The following ACKR2 variants were observed in gnomAD, a reference collection of about 807,000 sequenced individuals.
ACKR2 encodes C-C chemokine receptor D6.
For synonymous variants in ACKR2, 207 were observed against 192.2 expected (o/e 1.08, Z -0.64); for missense variants, 457 against 477.3 (o/e 0.96, Z 0.40).
At chr3:42,834,377 T>G (rs137900841) in intron 2 of ACKR2, among the ~76,000 whole-genome samples, 1 of 151,930 alleles carries the variant, frequency 6.6e-6, no homozygotes, top group African/African-American at 2.4e-5. Context: ...GTGTGTTTTC[T>G]TTTTTTTCGG....
intron 2 of ACKR2, chr3:42,856,556 T>C (rs1371757654): frequency 8.6e-6 from 5 of 579,152 alleles, no homozygotes; most frequent in Non-Finnish European, 1.5e-5. Flanking sequence ...ATCCTCACTA[T>C]TATAAGACCT....
In ACKR2 at chr3:42,865,929, T is replaced by G; in HGVS notation, c.*272T>G. ...TTCCTTCCTTCCCTCTCTCCCTCCCTCCCTCCCTCGCTTCTTCCCTTCCTC... is the reference window on the plus strand; with the variant it reads ...TTCCTTCCTTCCCTCTCTCCCTCCCGCCCTCCCTCGCTTCTTCCCTTCCTC... On this transcript the variant is annotated 3_prime_UTR_variant, in exon 3 of 3. Coordinates refer to ENST00000422265, the MANE Select transcript of ACKR2 (RefSeq NM_001296.5). 2.7e-6 allele frequency: 1 copy of G among 366,980 alleles called. No homozygotes were observed. The highest frequency in any genetic ancestry group is 5.1e-6 in the Non-Finnish European group (1 of 197,876). The allele number at this position is 366,980 out of a possible 1,614,324, so 22.7% of individuals were successfully genotyped here.
intron 1 of ACKR2, among the ~76,000 whole-genome samples, chr3:42,811,377 G>A (rs999407202): frequency 2.0e-5 from 3 of 152,200 alleles, no homozygotes; most frequent in African/African-American, 7.2e-5. Context: ...GGGATCTAGG[G>A]CTGTGCAGGG....
At chr3:42,812,240 A>T (rs1559682194) in intron 1 of ACKR2, among the ~76,000 whole-genome samples, 1 of 152,082 alleles carries the variant, frequency 6.6e-6, no homozygotes, top group East Asian at 1.9e-4. Context: ...TTTGGCTAGG[A>T]GTATTGTAAT....
intron 1 of ACKR2, among the ~76,000 whole-genome samples, chr3:42,815,007 G>A (rs1016615553): frequency 6.6e-6 from 1 of 152,182 alleles, no homozygotes. Context: ...GACAGCAAGT[G>A]TGAAAAGGCA....
chr3:42,862,589 AC>A (rs570670649), intron 2 of ACKR2, among the ~76,000 whole-genome samples: 292 of 152,318 alleles, frequency 1.9e-3, no homozygotes, highest in African/African-American at 6.8e-3. Flanking sequence ...TGGAGGCATC[AC>A]GCTACCTGAC....
At chr3:42,830,183 G>A (rs1408737126) in intron 2 of ACKR2, among the ~76,000 whole-genome samples, 2 of 152,186 alleles carry the variant, frequency 1.3e-5, no homozygotes, top group Non-Finnish European at 2.9e-5. Flanking sequence ...AATCATAGAG[G>A]GGGTCTTAGA....
chr3:42,861,754 T>C (rs1317499501), intron 2 of ACKR2, among the ~76,000 whole-genome samples: 4 of 152,092 alleles, frequency 2.6e-5, no homozygotes. Flanking sequence ...ACAGAACCAA[T>C]GACAAAAACC....
chr3:42,836,389 C>T (rs1559687989), intron 2 of ACKR2, among the ~76,000 whole-genome samples: 1 of 152,196 alleles, frequency 6.6e-6, no homozygotes, highest in Admixed American at 6.5e-5. Flanking sequence ...ATTCCAACCC[C>T]AAGAGGTTTC....
intron 1 of ACKR2, among the ~76,000 whole-genome samples, chr3:42,816,116 C>T (rs1008806763): frequency 4.6e-5 from 7 of 151,786 alleles, no homozygotes; most frequent in African/African-American, 9.7e-5. Context: ...TTAATTGTTA[C>T]GACATTCTGT....
chr3:42,828,092 A>ATATTTTTTTT (rs1193533555), intron 2 of ACKR2, among the ~76,000 whole-genome samples: 3 of 121,900 alleles, frequency 2.5e-5, no homozygotes, highest in Non-Finnish European at 3.4e-5. Flanking sequence ...ATATATATAT[A>ATATTTTTTTT]TTTTTTTTTT....
At chr3:42,842,890 T>C (rs1480492439) in intron 2 of ACKR2, among the ~76,000 whole-genome samples, 1 of 148,192 alleles carries the variant, frequency 6.7e-6, no homozygotes, top group African/African-American at 2.5e-5. Context: ...GGCTGAGGCA[T>C]GAGAATTGCT....
chr3:42,857,900 C>A (rs916740302), intron 2 of ACKR2, among the ~76,000 whole-genome samples: 16 of 152,214 alleles, frequency 1.1e-4, no homozygotes, highest in African/African-American at 3.9e-4. Context: ...GTAAACAAAG[C>A]CACTGGGAAG....
intron 2 of ACKR2, among the ~76,000 whole-genome samples, chr3:42,824,596 G>A (rs888577887): frequency 2.6e-5 from 4 of 152,090 alleles, no homozygotes; most frequent in Non-Finnish European, 2.9e-5. Flanking sequence ...TACAATATAT[G>A]GACTTTTGTA....
chr3:42,825,922 ATT>A (rs34193662), intron 2 of ACKR2, among the ~76,000 whole-genome samples: 239 of 132,384 alleles, frequency 1.8e-3, no homozygotes, highest in Admixed American at 3.6e-3. Context: ...AGTTTATTGA[ATT>A]TTTTTTTTTT....
intron 2 of ACKR2, among the ~76,000 whole-genome samples, chr3:42,829,731 C>CATCT (rs886504104): frequency 6.6e-6 from 1 of 152,150 alleles, no homozygotes; most frequent in African/African-American, 2.4e-5. Context: ...CAACCCCTTG[C>CATCT]ATCTGCACTC....
chr3:42,829,867 T>C (rs1162083256), intron 2 of ACKR2, among the ~76,000 whole-genome samples: 1 of 152,174 alleles, frequency 6.6e-6, no homozygotes, highest in Non-Finnish European at 1.5e-5. Context: ...CCGGGGTACA[T>C]GCGTAGAGGC....
chr3:42,851,086 T>C (rs1701152808), intron 2 of ACKR2: 1 of 152,262 alleles, frequency 6.6e-6, no homozygotes. Flanking sequence ...GGCCTGGACC[T>C]CTGGGATGGG....
intron 2 of ACKR2, among the ~76,000 whole-genome samples, chr3:42,854,855 C>CTT (rs1207262721): frequency 1.1e-4 from 15 of 133,836 alleles, no homozygotes; most frequent in South Asian, 2.4e-4. Flanking sequence ...TCATACCTTT[C>CTT]TTTTTTTTTT....
Sources: gnomAD v4.1 joint callset for allele counts (sites outside exome capture counted in the v4.1 genomes callset) on GRCh38, gnomAD v4.1.1 for gene constraint, MANE v1.5 for transcripts, NCBI Gene and HGNC (gene_info 2026-07-23, HGNC 2026-07-21) for gene names.